The following CNBD2 variants were observed in gnomAD, a reference collection of about 807,000 sequenced individuals.
CNBD2 encodes the protein cyclic nucleotide binding domain containing 2.
CNBD2 carries 64 observed loss-of-function variants against 63.7 expected under a neutral mutation model. The ratio of observed to expected loss-of-function variants is 1.00; its 90% confidence interval spans 0.82 to 1.24. The LOEUF (loss-of-function observed/expected upper bound fraction) is 1.24. Ranked by LOEUF, CNBD2 falls within the 50% of genes most tolerant of loss-of-function variation. CNBD2 has a pLI of 0.00. For synonymous variants in CNBD2, 229 were observed against 255.4 expected (o/e 0.90, Z 0.99); for missense variants, 691 against 713.5 (o/e 0.97, Z 0.36).
At chr20:35,983,629 C>T (rs1228986012) in intron 4 of CNBD2, among the ~76,000 whole-genome samples, 1 of 152,208 alleles carries the variant, frequency 6.6e-6, no homozygotes. Flanking sequence ...AAAGCCAGTC[C>T]TCCTAATCAT....
downstream of CNBD2, among the ~76,000 whole-genome samples, chr20:35,960,209 A>G (rs1283797788): frequency 2.0e-5 from 3 of 152,194 alleles, no homozygotes; most frequent in Non-Finnish European, 4.4e-5. Context: ...GAACCTTAGG[A>G]CAACCCCTTT....
At chr20:35,980,364 C>A in intron 3 of CNBD2, 95 bp from the exon 4 acceptor site, 1 of 1,152,888 alleles carries the variant, frequency 8.7e-7, no homozygotes, top group Non-Finnish European at 1.3e-6. Context: ...GTACAGGGAA[C>A]GGGAGAGTGT....
intron 1 of CNBD2, among the ~76,000 whole-genome samples, chr20:35,971,413 A>G (rs1177714421): frequency 6.6e-6 from 1 of 152,012 alleles, no homozygotes; most frequent in Non-Finnish European, 1.5e-5. Flanking sequence ...GTACAGTCAT[A>G]TTCAATTTCC....
At chr20:36,008,938 T>C (rs2057021211) in intron 9 of CNBD2, among the ~76,000 whole-genome samples, 1 of 149,088 alleles carries the variant, frequency 6.7e-6, no homozygotes, top group African/African-American at 2.6e-5. Context: ...ACTTGACCTC[T>C]CTAAGCTGTA....
chr20:35,983,257 C>A (rs2056620689), intron 4 of CNBD2, among the ~76,000 whole-genome samples: 1 of 151,958 alleles, frequency 6.6e-6, no homozygotes, highest in African/African-American at 2.4e-5. Flanking sequence ...GCGTGTGCCA[C>A]CACACCTGGC....
chr20:35,954,700 T>C, upstream of CNBD2: 8 of 1,090,694 alleles, frequency 7.3e-6, no homozygotes, highest in Non-Finnish European at 9.6e-6. Context: ...GCCTGAATGT[T>C]TGGAGATAGA....
At chr20:36,027,367 C>T (rs1043727717) in intron 11 of CNBD2, among the ~76,000 whole-genome samples, 1 of 152,154 alleles carries the variant, frequency 6.6e-6, no homozygotes, top group Admixed American at 6.5e-5. Context: ...TCTTCATGAC[C>T]TTGAGCAGTG....
At chr20:35,979,616 C>T (rs1286820231) in intron 3 of CNBD2, among the ~76,000 whole-genome samples, 3 of 152,118 alleles carry the variant, frequency 2.0e-5, no homozygotes, top group South Asian at 2.1e-4. Flanking sequence ...TTGGAGGGGA[C>T]GTTCACCCTA....
Position 35,984,051 on chromosome 20 carries a change from C to T in CNBD2, c.477C>T (p.Gly159=), listed in dbSNP as rs1225790776. Residue 159 remains glycine (G), a synonymous_variant, in exon 5 of 12, where the codon GGC becomes GGT. Transcript: ENST00000373973. The part of the protein sequence containing the change: ...KGNSFYFIYL[G]TVAITKDEDG... The stretch of plus-strand genomic sequence containing the variant: ...ACAGCTTTTATTTCATCTACCTGGG[C>T]ACAGTTGCAATAACCAAGGACGAGG... 6.2e-7 allele frequency: 1 copy of T among 1,614,190 alleles called. No individual in the cohort carries two copies. Among genetic ancestry groups the T allele is most frequent in the Non-Finnish European group, 8.5e-7 (1 of 1,180,026 alleles).
At position 36,011,232 on chromosome 20, in the gene CNBD2, A is replaced by G; in HGVS notation, c.1244A>G (p.His415Arg). The change falls in exon 10 of 12, where the codon CAC becomes CGC. Residue 415 changes from histidine to arginine, a missense_variant. Transcript: ENST00000373973. ...GCAGTGGGGGCCTACGTGAAGGTGC[A>G]CACTGTGGAGCAGGGAGAAATTTTG... ...EAAVGAYVKV[H>R]TVEQGEILGL... is the part of the protein sequence containing the mutation. 6.3e-7 allele frequency: 1 copy of G among 1,585,150 alleles called. No homozygotes were observed. Among genetic ancestry groups the G allele is most frequent in the East Asian group, 2.3e-5 (1 of 43,094 alleles).
At position 35,968,788 on chromosome 20, in the gene CNBD2, C is replaced by T. The variant is rs1420420226; in HGVS notation, c.26C>T (p.Ala9Val). The T allele has an allele frequency of 3.1e-6, 5 of 1,608,078 alleles. No individual in the cohort carries two copies. The highest frequency in any genetic ancestry group is 4.2e-6 in the Non-Finnish European group (5 of 1,177,792). The stretch of plus-strand genomic sequence containing the variant: ...ATGAGGAGACATATGGTAACTTATG[C>T]CTGGCAGCTCCTGAAGAAGGAACTG... MRRHMVTY[A>V]WQLLKKELGL... is the part of the protein sequence containing the mutation. The change falls in exon 1 of 12, where the codon GCC becomes GTC. Residue 9 changes from alanine (A) to valine (V), a missense_variant. Ala to Val is a moderately conservative substitution (Grantham distance 64). Transcript: ENST00000373973.
At chr20:36,026,059 G>A (rs1333427102) in intron 11 of CNBD2, among the ~76,000 whole-genome samples, 1 of 151,726 alleles carries the variant, frequency 6.6e-6, no homozygotes, top group African/African-American at 2.4e-5. Context: ...TGAGAGATGG[G>A]GTCTCACTCT....
At chr20:35,966,940 C>G (rs961713113), upstream of CNBD2, among the ~76,000 whole-genome samples, 3 of 152,220 alleles carry the variant, frequency 2.0e-5, no homozygotes, top group Non-Finnish European at 4.4e-5. Flanking sequence ...TTTGCTTTCC[C>G]TTCACCAGAC....
At chr20:36,000,247 G>A (rs1168126033) in intron 8 of CNBD2, among the ~76,000 whole-genome samples, 1 of 151,980 alleles carries the variant, frequency 6.6e-6, no homozygotes, top group Non-Finnish European at 1.5e-5. Context: ...ATTCTAAGTT[G>A]ACAGGTTTTT....
intron 10 of CNBD2, among the ~76,000 whole-genome samples, chr20:36,019,529 GAA>G (rs60556168): frequency 0.31 from 22,442 of 71,750 alleles, 2,458 homozygotes; most frequent in African/African-American, 0.45. Context: ...CTCAAAAAAA[GAA>G]AAAAAAAAAA....
At chr20:35,980,352 T>G (rs927962090) in intron 3 of CNBD2, 107 bp from the exon 4 acceptor site, 39 of 1,013,698 alleles carry the variant, frequency 3.8e-5, no homozygotes, top group African/African-American at 7.9e-5. Context: ...TCAGCCACTG[T>G]GGTACAGGGA....
chr20:35,969,525 ACATG>A (rs1051036830), intron 1 of CNBD2, among the ~76,000 whole-genome samples: 1 of 152,166 alleles, frequency 6.6e-6, no homozygotes, highest in African/African-American at 2.4e-5. Context: ...ATATATTATC[ACATG>A]TGTATGTATC....
intron 8 of CNBD2, among the ~76,000 whole-genome samples, chr20:36,003,502 C>A (rs572798596): frequency 6.6e-6 from 1 of 152,094 alleles, no homozygotes; most frequent in African/African-American, 2.4e-5. Flanking sequence ...GTTTCCCATT[C>A]GTGAAGTAAA....
At chr20:35,989,866 G>GGGGAGAGA (rs2056719062) in intron 7 of CNBD2, among the ~76,000 whole-genome samples, 1 of 121,648 alleles carries the variant, frequency 8.2e-6, no homozygotes, top group Non-Finnish European at 1.7e-5. Context: ...GATGAGAGAG[G>GGGGAGAGA]GAGAGAGAGA....
Sources: allele counts gnomAD v4.1 joint callset (sites outside exome capture counted in the v4.1 genomes callset), GRCh38; gene constraint gnomAD v4.1.1; transcripts MANE v1.5; gene names NCBI Gene and HGNC (gene_info 2026-07-23, HGNC 2026-07-21).